Variants in GPC6 observed in about 807,000 individuals in gnomAD.
The protein encoded by GPC6 is glypican 6.
A neutral mutation model predicts 55.2 loss-of-function variants in GPC6; 14 were observed. The ratio of observed to expected loss-of-function variants is 0.25; its 90% CI spans 0.17 to 0.40. The LOEUF (loss-of-function observed/expected upper bound fraction) is 0.40. Ranked by LOEUF, GPC6 falls within the 10% of genes least tolerant of loss-of-function variation. The pLI is 1.00. For synonymous variants in GPC6, 278 were observed against 259.6 expected (o/e 1.07, Z -0.68); for missense variants, 641 against 708.5 (o/e 0.90, Z 1.08).
intron 1 of GPC6, among the ~76,000 whole-genome samples, chr13:93,526,630 G>A (rs1384065716): frequency 6.6e-6 from 1 of 152,030 alleles, no homozygotes. Flanking sequence ...TAACGATTAG[G>A]AGATGCAATG....
chr13:93,897,894 C>T (rs1876105056), intron 3 of GPC6, among the ~76,000 whole-genome samples: 1 of 152,152 alleles, frequency 6.6e-6, no homozygotes, highest in Non-Finnish European at 1.5e-5. Flanking sequence ...TTTCACTACA[C>T]TTTCCCAATT....
chr13:93,653,675 A>G (rs1319687623), intron 2 of GPC6, among the ~76,000 whole-genome samples: 3 of 151,880 alleles, frequency 2.0e-5, no homozygotes, highest in Non-Finnish European at 4.4e-5. Flanking sequence ...AAATAGACTC[A>G]GGGAGATTAA....
intron 3 of GPC6, among the ~76,000 whole-genome samples, chr13:93,975,551 A>G (rs1880477758): frequency 6.6e-6 from 1 of 152,210 alleles, no homozygotes; most frequent in Non-Finnish European, 1.5e-5. Context: ...TATTTTTTAA[A>G]CAGGTCCAAT....
At chr13:93,977,807 A>G (rs1880593728) in intron 3 of GPC6, among the ~76,000 whole-genome samples, 1 of 152,168 alleles carries the variant, frequency 6.6e-6, no homozygotes, top group Admixed American at 6.6e-5. Flanking sequence ...CTGAAATTGC[A>G]ATAGGATAAG....
intron 1 of GPC6, among the ~76,000 whole-genome samples, chr13:93,517,614 T>G (rs775404650): frequency 3.9e-5 from 6 of 152,082 alleles, no homozygotes; most frequent in Non-Finnish European, 5.9e-5. Context: ...TAACTCCAAC[T>G]AGACTTCAGT....
At chr13:93,644,460 AC>A (rs1408979081) in intron 2 of GPC6, among the ~76,000 whole-genome samples, 2 of 152,090 alleles carry the variant, frequency 1.3e-5, no homozygotes, top group African/African-American at 4.8e-5. Flanking sequence ...ACAATAGGGT[AC>A]TACTTAAACA....
At chr13:94,208,700 G>A (rs2151379) in intron 4 of GPC6, among the ~76,000 whole-genome samples, 19,069 of 146,678 alleles carry the variant, frequency 0.13, 1,293 homozygotes, top group South Asian at 0.22. Context: ...CAAGGCAGGA[G>A]GATCACTTGA....
chr13:93,959,315 A>C (rs1382580671), intron 3 of GPC6, among the ~76,000 whole-genome samples: 30 of 152,162 alleles, frequency 2.0e-4, no homozygotes, highest in Non-Finnish European at 7.4e-5. Context: ...GGCATGCGCC[A>C]CCACACCCGG....
At chr13:93,364,326 G>A (rs1284149930) in intron 1 of GPC6, among the ~76,000 whole-genome samples, 3 of 152,102 alleles carry the variant, frequency 2.0e-5, no homozygotes, top group Non-Finnish European at 4.4e-5. Context: ...GAGCTGAACA[G>A]TAAAGTTCAT....
At position 94,224,380 on chromosome 13, in the gene GPC6, G is replaced by A. The variant is rs183155700; in HGVS notation, c.878-61969G>A. On this transcript the variant is annotated intron_variant, in intron 4 of 8. Transcript: ENST00000377047. ...TATTTCTCAACATAAGTTCCATCAA[G>A]GCCAAGACACTTTTGTAACTGATGA... Among the ~76,000 whole-genome samples the A allele has an allele frequency of 5.8e-3, 884 of 151,582 alleles. 6 individuals carry two copies. Among genetic ancestry groups the A allele is most frequent in the African/African-American group, 0.021 (852 of 41,350 alleles).
At chr13:93,520,215 A>G (rs1051199379) in intron 1 of GPC6, among the ~76,000 whole-genome samples, 1 of 151,956 alleles carries the variant, frequency 6.6e-6, no homozygotes, top group East Asian at 1.9e-4. Flanking sequence ...TGCAGCTGAT[A>G]TATTACTGGT....
intron 6 of GPC6, among the ~76,000 whole-genome samples, chr13:94,365,853 G>A (rs1300469007): frequency 6.6e-6 from 1 of 152,192 alleles, no homozygotes; most frequent in Non-Finnish European, 1.5e-5. Context: ...AGGCTTCAGA[G>A]AAACAGACCA....
chr13:94,111,650 T>C (rs909802723), intron 4 of GPC6, among the ~76,000 whole-genome samples: 3 of 152,094 alleles, frequency 2.0e-5, no homozygotes, highest in Non-Finnish European at 4.4e-5. Context: ...CTTCCTTATG[T>C]ACTTTGTACT....
chr13:93,385,460 A>G (rs1046642941), intron 1 of GPC6, among the ~76,000 whole-genome samples: 1 of 152,236 alleles, frequency 6.6e-6, no homozygotes, highest in Non-Finnish European at 1.5e-5. Flanking sequence ...TAACAGCTGC[A>G]GAAAAAATGG....
At chr13:93,668,263 T>C (rs958890344) in intron 2 of GPC6, among the ~76,000 whole-genome samples, 6 of 152,248 alleles carry the variant, frequency 3.9e-5, no homozygotes, top group Admixed American at 1.3e-4. Context: ...AATGGAATAT[T>C]CTTTCCCTTC....
chr13:93,463,282 GAAGAAAAGA>G (rs1447223873), intron 1 of GPC6, among the ~76,000 whole-genome samples: 1 of 152,170 alleles, frequency 6.6e-6, no homozygotes, highest in Non-Finnish European at 1.5e-5. Flanking sequence ...GTGCTTAATT[GAAGAAAAGA>G]AAGAAATAAC....
At chr13:93,520,564 ATT>A (rs1881375449) in intron 1 of GPC6, among the ~76,000 whole-genome samples, 1 of 151,750 alleles carries the variant, frequency 6.6e-6, no homozygotes, top group South Asian at 2.1e-4. Flanking sequence ...ACACTTGAAG[ATT>A]TTTAAGAGTG....
At chr13:93,339,377 T>TAAAAA (rs3074917) in intron 1 of GPC6, among the ~76,000 whole-genome samples, 2 of 137,530 alleles carry the variant, frequency 1.5e-5, no homozygotes, top group Admixed American at 7.3e-5. Context: ...CATCATCTAT[T>TAAAAA]AAAAAAAAAA....
chr13:93,644,366 AAT>A (rs1880084351), intron 2 of GPC6, among the ~76,000 whole-genome samples: 1 of 152,122 alleles, frequency 6.6e-6, no homozygotes, highest in African/African-American at 2.4e-5. Context: ...CGTCTAAAGA[AAT>A]AGTCAGATAT....
Sources: gnomAD v4.1 joint callset for allele counts (sites outside exome capture counted in the v4.1 genomes callset) on GRCh38, gnomAD v4.1.1 for gene constraint, MANE v1.5 for transcripts, NCBI Gene and HGNC (gene_info 2026-07-23, HGNC 2026-07-21) for gene names.